GALNT18: variants seen among roughly 807,000 people sequenced by gnomAD.
GALNT18 encodes polypeptide N-acetylgalactosaminyltransferase 18, also known as GalNAc-transferase 18.
GALNT18 carries 44 observed loss-of-function variants against 69.5 expected under a neutral mutation model. That is an observed-to-expected ratio of 0.63 (90% CI 0.50 to 0.81). GALNT18 has a LOEUF of 0.81. GALNT18 is among the 40% of genes least tolerant of loss of function. The probability of loss-of-function intolerance (pLI) is 0.00; values close to 1 mark genes in which losing one functional copy is unlikely to be tolerated. For missense variants in GALNT18, 715 were observed against 810.0 expected (o/e 0.88, Z 1.42); for synonymous variants, 364 against 318.2 (o/e 1.14, Z -1.53).
chr11:11,590,834 A>G lies in GALNT18; in HGVS notation c.235+30525T>C, dbSNP rs141339429. ...TGGTGATGCTTATGTAAACAAACCT[A>G]CCGCACTACCGGTCATATAAAAGTA... is the stretch of plus-strand genomic sequence containing the variant. On this transcript the variant is annotated intron_variant, in intron 1 of 10. Coordinates refer to ENST00000227756, the MANE Select transcript of GALNT18 (RefSeq NM_198516.3). The surrounding 1 kb of genome is among the most constrained non-coding windows in gnomAD (Gnocchi z 4.4). 2.5e-4 allele frequency among the ~76,000 whole-genome samples: 38 copies of G among 152,252 alleles called. No homozygotes were observed. Among genetic ancestry groups the G allele is most frequent in the Admixed American group, 1.9e-3 (29 of 15,300 alleles).
At chr11:11,378,273 T>G (rs1853822560) in intron 4 of GALNT18, among the ~76,000 whole-genome samples, 1 of 152,192 alleles carries the variant, frequency 6.6e-6, no homozygotes, top group African/African-American at 2.4e-5. Flanking sequence ...GGGCACAGGT[T>G]GGCACTGTGG....
In GALNT18 at chr11:11,540,700, G is replaced by C. The variant is rs916123682; in HGVS notation, c.235+80659C>G. Reference sequence around the variant, plus strand: ...CTAATGAGATATGCACTTCAAAAAGGCACCCTCAACAAGCACTGAATGATA... The same window carrying C: ...CTAATGAGATATGCACTTCAAAAAGCCACCCTCAACAAGCACTGAATGATA... On this transcript the variant is annotated intron_variant, in intron 1 of 10. Transcript: ENST00000227756. The surrounding 1 kb of genome is among the most constrained non-coding windows in gnomAD (Gnocchi z 4.6). 6.6e-6 allele frequency among the ~76,000 whole-genome samples: 1 copy of C among 152,032 alleles called. No homozygotes were observed. Among genetic ancestry groups the C allele is most frequent in the East Asian group, 1.9e-4 (1 of 5,180 alleles).
Position 11,497,370 on chromosome 11 carries a change from A to ACACACACACACACACACC in GALNT18, c.236-48435_236-48434insGGTGTGTGTGTGTGTGTG, listed in dbSNP as rs1388394076. On this transcript the variant is annotated intron_variant, in intron 1 of 10. Transcript: ENST00000227756. This position sits in a 1 kb window ranked among gnomAD's most constrained non-coding sequence, Gnocchi z 4.2. Reference sequence around the variant, plus strand: ...CACACACACACACACACACACACACACCCCTTAGAATGGGGCTCCTTAAGA... The same window carrying ACACACACACACACACACC: ...CACACACACACACACACACACACACACACACACACACACACACCCCCCTTAGAATGGGGCTCCTTAAGA... Among the ~76,000 whole-genome samples, 282 of 134,694 alleles carry ACACACACACACACACACC rather than the reference A, an allele frequency of 2.1e-3. No individual in the cohort carries two copies. Among genetic ancestry groups the ACACACACACACACACACC allele is most frequent in the African/African-American group, 3.3e-3 (109 of 33,016 alleles). 88.4% of individuals were successfully genotyped at this position (134,694 alleles called of 152,430 possible). A position where few individuals can be genotyped will look rare whatever the true frequency, so the allele number is the denominator to read the frequency against.
rs1287182342 is a variant in GALNT18, at chr11:11,463,300, C to T, written c.236-14364G>A. On this transcript the variant is annotated intron_variant, in intron 1 of 10. Coordinates refer to ENST00000227756, the MANE Select transcript of GALNT18 (RefSeq NM_198516.3). This position sits in a 1 kb window ranked among gnomAD's most constrained non-coding sequence, Gnocchi z 4.2. ...CATCCTGAAAACAGATTCTTCTAGT[C>T]CCAAGTGGTTGCTCACTGCTTATAG... Among the ~76,000 whole-genome samples, 1 of 152,124 alleles carries T rather than the reference C, an allele frequency of 6.6e-6. No homozygotes were observed. The highest frequency in any genetic ancestry group is 2.4e-5 in the African/African-American group (1 of 41,404).
At position 11,480,950 on chromosome 11, in the gene GALNT18, G is replaced by A. The variant is rs1335811676; in HGVS notation, c.236-32014C>T. On this transcript the variant is annotated intron_variant, in intron 1 of 10. Transcript: ENST00000227756. The surrounding 1 kb of genome is among the most constrained non-coding windows in gnomAD (Gnocchi z 4.6). ...CAGCCCTGGGCAACCTCATGTGACT[G>A]GGGAGCCCTTCTTTGTGGACACATC... is the stretch of plus-strand genomic sequence containing the variant. Among the ~76,000 whole-genome samples the A allele has an allele frequency of 6.6e-6, 1 of 152,158 alleles. No individual in the cohort carries two copies. Among genetic ancestry groups the A allele is most frequent in the Non-Finnish European group, 1.5e-5 (1 of 68,028 alleles).
At chr11:11,585,506 C>A (rs1413448735) in intron 1 of GALNT18, among the ~76,000 whole-genome samples, 1 of 152,106 alleles carries the variant, frequency 6.6e-6, no homozygotes, top group Non-Finnish European at 1.5e-5. Context: ...CAGGCATGCG[C>A]CACCACGCCT....
chr11:11,432,582 G>A lies in GALNT18; in HGVS notation c.595+39C>T. On this transcript the variant is annotated intron_variant, in intron 3 of 10. Transcript: ENST00000227756. The surrounding 1 kb of genome is among the most constrained non-coding windows in gnomAD (Gnocchi z 5.8). ...GAACCATCAGCTTAGATGTCAGCCA[G>A]GAAGTAGGGCCTGGGCCCTGGGAAG... The A allele has an allele frequency of 6.4e-7, 1 of 1,567,802 alleles. No homozygotes were observed. The highest frequency in any genetic ancestry group is 8.7e-7 in the Non-Finnish European group (1 of 1,151,754).
In GALNT18 at chr11:11,508,495, C is replaced by T. The variant is rs116786470; in HGVS notation, c.236-59559G>A. Among the ~76,000 whole-genome samples the T allele has an allele frequency of 9.9e-3, 1,506 of 152,308 alleles. 31 individuals are homozygous for T. Among genetic ancestry groups the T allele is most frequent in the African/African-American group, 0.034 (1,412 of 41,544 alleles). Reference sequence around the variant, plus strand: ...GGTGGCATCTGCCATATTTCTCCATCGTAAAAGTACTTCATTCGTTTGTAA... The same window carrying T: ...GGTGGCATCTGCCATATTTCTCCATTGTAAAAGTACTTCATTCGTTTGTAA... On this transcript the variant is annotated intron_variant, in intron 1 of 10. Coordinates refer to ENST00000227756, the MANE Select transcript of GALNT18 (RefSeq NM_198516.3).
intron 1 of GALNT18, among the ~76,000 whole-genome samples, chr11:11,502,030 C>A (rs985787726): frequency 6.6e-6 from 1 of 152,216 alleles, no homozygotes; most frequent in Admixed American, 6.5e-5. Flanking sequence ...AAGCCAAGAG[C>A]CAGCCTTCAA....
At chr11:11,572,666 C>T (rs758253905) in intron 1 of GALNT18, among the ~76,000 whole-genome samples, 18 of 152,010 alleles carry the variant, frequency 1.2e-4, no homozygotes, top group Non-Finnish European at 1.9e-4. Flanking sequence ...TGCAGGAGGA[C>T]CCCTGAACAT....
rs535379833 is a variant in GALNT18, at chr11:11,535,858, A to ACAGT, written c.235+85497_235+85500dup. Reference sequence around the variant, plus strand: ...TGTTTGTCCTGCTCCCTGGGGCCTCACAGTGGCCTGCTGGCTAGACGTGCT... The same window carrying ACAGT: ...TGTTTGTCCTGCTCCCTGGGGCCTCACAGTCAGTGGCCTGCTGGCTAGACGTGCT... On this transcript the variant is annotated intron_variant, in intron 1 of 10. Coordinates refer to ENST00000227756, the MANE Select transcript of GALNT18 (RefSeq NM_198516.3). Among the ~76,000 whole-genome samples, 339 of 152,250 alleles carry ACAGT rather than the reference A, an allele frequency of 2.2e-3. 1 individual carries two copies. The highest frequency in any genetic ancestry group is 3.2e-3 in the Non-Finnish European group (215 of 68,018).
At chr11:11,375,851 G>A (rs772315857) in intron 5 of GALNT18, among the ~76,000 whole-genome samples, 6 of 152,286 alleles carry the variant, frequency 3.9e-5, no homozygotes, top group Middle Eastern at 3.4e-3. Flanking sequence ...GTTTTATCCC[G>A]TTTTAAGTAT....
At position 11,339,745 on chromosome 11, in the gene GALNT18, T is replaced by A. The variant is rs183897645; in HGVS notation, c.1278+1074A>T. Among the ~76,000 whole-genome samples the A allele has an allele frequency of 2.3e-3, 347 of 152,176 alleles. 2 individuals carry two copies. Among genetic ancestry groups the A allele is most frequent in the African/African-American group, 7.9e-3 (329 of 41,518 alleles). On this transcript the variant is annotated intron_variant, in intron 7 of 10. Transcript: ENST00000227756. The surrounding 1 kb of genome is among the most constrained non-coding windows in gnomAD (Gnocchi z 5.2). ...GCTGAAACCTCACTGATTGTGGGAG[T>A]ATGCAACCCAACTCAAGTTCCCCTC...
chr11:11,500,185 A>T lies in GALNT18; in HGVS notation c.236-51249T>A, dbSNP rs988908791. 3.3e-5 allele frequency among the ~76,000 whole-genome samples: 5 copies of T among 152,196 alleles called. No homozygotes were observed. The highest frequency in any genetic ancestry group is 1.2e-4 in the African/African-American group (5 of 41,448). Reference sequence around the variant, plus strand: ...TCAAAGCAAGTGATAAGGAAATAGGAGCCTATAGGGAGAAAGTCACAGCAC... The same window carrying T: ...TCAAAGCAAGTGATAAGGAAATAGGTGCCTATAGGGAGAAAGTCACAGCAC... On this transcript the variant is annotated intron_variant, in intron 1 of 10. Coordinates refer to ENST00000227756, the MANE Select transcript of GALNT18 (RefSeq NM_198516.3). This position sits in a 1 kb window ranked among gnomAD's most constrained non-coding sequence, Gnocchi z 5.0.
chr11:11,372,704 T>A lies in GALNT18; in HGVS notation c.978-75A>T. The stretch of plus-strand genomic sequence containing the variant: ...GAGTAAGAGCAGTAAGGCCTTCCTA[T>A]CAGGAGGGTCTGGTTCTCTTCCTTC... On this transcript the variant is annotated intron_variant, in intron 5 of 10. Coordinates refer to ENST00000227756, the MANE Select transcript of GALNT18 (RefSeq NM_198516.3). The surrounding 1 kb of genome is among the most constrained non-coding windows in gnomAD (Gnocchi z 4.9). The A allele has an allele frequency of 9.0e-7, 1 of 1,108,218 alleles. No individual in the cohort carries two copies. The highest frequency in any genetic ancestry group is 1.4e-6 in the Non-Finnish European group (1 of 738,816). 68.6% of individuals were successfully genotyped at this position (1,108,218 alleles called of 1,614,324 possible).
chr11:11,532,459 T>G (rs953110859), intron 1 of GALNT18, among the ~76,000 whole-genome samples: 2 of 152,184 alleles, frequency 1.3e-5, no homozygotes, highest in Non-Finnish European at 2.9e-5. Context: ...TCCACTCCCC[T>G]GTGCTATTTC....
intron 9 of GALNT18, among the ~76,000 whole-genome samples, chr11:11,297,848 G>A (rs1016463055): frequency 6.6e-6 from 1 of 152,196 alleles, no homozygotes; most frequent in African/African-American, 2.4e-5. Flanking sequence ...CAGCAGGGCT[G>A]CAAACCAGAT....
At chr11:11,328,718 A>T (rs1271823889) in intron 8 of GALNT18, among the ~76,000 whole-genome samples, 1 of 152,222 alleles carries the variant, frequency 6.6e-6, no homozygotes, top group Non-Finnish European at 1.5e-5. Flanking sequence ...ATCCTCCATT[A>T]TAAACCAATT....
In GALNT18 at chr11:11,572,655, G is replaced by C. The variant is rs77375794; in HGVS notation, c.235+48704C>G. ...ATGTGAAGTTCTACACAGAGCAATG[G>C]TGCAGGAGGACCCCTGAACATTCAA... On this transcript the variant is annotated intron_variant, in intron 1 of 10. Coordinates refer to ENST00000227756, the MANE Select transcript of GALNT18 (RefSeq NM_198516.3). 5.0e-3 allele frequency among the ~76,000 whole-genome samples: 766 copies of C among 151,952 alleles called. 6 individuals are homozygous for C. Among genetic ancestry groups the C allele is most frequent in the Non-Finnish European group, 7.9e-3 (539 of 68,006 alleles).
Sources: allele counts gnomAD v4.1 joint callset (sites outside exome capture counted in the v4.1 genomes callset), GRCh38; gene constraint gnomAD v4.1.1; non-coding constraint Gnocchi (gnomAD v3.1); transcripts MANE v1.5; gene names NCBI Gene and HGNC (gene_info 2026-07-23, HGNC 2026-07-21).